Variants in GFRA3 observed in about 807,000 individuals in gnomAD.
GFRA3 encodes the protein GDNF family receptor alpha-3.
GFRA3 carries 24 observed loss-of-function variants against 40.0 expected under a neutral mutation model. The ratio of observed to expected loss-of-function variants is 0.60; its 90% confidence interval spans 0.43 to 0.84. GFRA3 has a LOEUF of 0.84. GFRA3 is among the 40% of genes least tolerant of loss of function. The pLI, the probability that GFRA3 is intolerant of heterozygous loss-of-function variation, is 0.00. For missense variants in GFRA3, 405 were observed against 530.6 expected (o/e 0.76, Z 2.33); for synonymous variants, 203 against 213.5 (o/e 0.95, Z 0.43).
intron 3 of GFRA3, among the ~76,000 whole-genome samples, 168 bp from the exon 4 acceptor site, chr5:138,258,119 C>T (rs1194382260): frequency 1.3e-5 from 2 of 151,086 alleles, no homozygotes; most frequent in Admixed American, 1.3e-4. Context: ...TTCCCCTCTC[C>T]CCACAAACTC....
chr5:138,274,351 G>A lies in GFRA3; in HGVS notation c.74C>T (p.Pro25Leu), dbSNP rs763279172. 16 of 1,339,676 alleles carry A rather than the reference G, an allele frequency of 1.2e-5. No homozygotes were observed. Among genetic ancestry groups the A allele is most frequent in the Non-Finnish European group, 1.5e-5 (16 of 1,040,700 alleles). The allele number at this position is 1,339,676 out of a possible 1,614,324, so 83.0% of individuals were successfully genotyped here. ...LMLLLLLPPS[P>L]LPLAAGDPLP... ...ACACTCACCGGCTGCGAGAGGCAGCGGCGACGGCGGCAGCAGCAGCAGCAA... is the reference window on the plus strand; with the variant it reads ...ACACTCACCGGCTGCGAGAGGCAGCAGCGACGGCGGCAGCAGCAGCAGCAA... Residue 25 changes from proline to leucine, a missense_variant, in exon 1 of 8, where the codon CCG becomes CTG. Coordinates refer to ENST00000274721, the MANE Select transcript of GFRA3 (RefSeq NM_001496.4).
chr5:138,252,953 C>T lies in GFRA3; in HGVS notation c.*15G>A, dbSNP rs1456191725. On this transcript the variant is annotated 3_prime_UTR_variant, in exon 8 of 8. Coordinates refer to ENST00000274721, the MANE Select transcript of GFRA3 (RefSeq NM_001496.4). ...TGGGTGTGGTGGAGGGGAAGAGGGC[C>T]CTGGGGAAGTCCAGCTACCATAGGC... 6.8e-7 allele frequency: 1 copy of T among 1,467,934 alleles called. No individual in the cohort carries two copies. The highest frequency in any genetic ancestry group is 1.7e-5 in the Admixed American group (1 of 59,662). The allele number at this position is 1,467,934 out of a possible 1,614,324, so 90.9% of individuals were successfully genotyped here.
chr5:138,263,814 C>G (rs1461302768), intron 2 of GFRA3, among the ~76,000 whole-genome samples: 1 of 152,152 alleles, frequency 6.6e-6, no homozygotes, highest in Non-Finnish European at 1.5e-5. Context: ...CTCTTTGGCT[C>G]TTTCTGTGCC....
chr5:138,272,028 C>T (rs1394210658), intron 1 of GFRA3, among the ~76,000 whole-genome samples: 2 of 118,126 alleles, frequency 1.7e-5, no homozygotes, highest in Non-Finnish European at 3.4e-5. Flanking sequence ...TTTTTTGAGA[C>T]GGAGTCTCGC....
At position 138,253,075 on chromosome 5, in the gene GFRA3, T is replaced by G; in HGVS notation, c.1114-18A>C. The G allele has an allele frequency of 7.1e-7, 1 of 1,400,450 alleles. No homozygotes were observed. Among genetic ancestry groups the G allele is most frequent in the Non-Finnish European group, 1.0e-6 (1 of 987,250 alleles). 86.8% of individuals were successfully genotyped at this position (1,400,450 alleles called of 1,614,324 possible). The stretch of plus-strand genomic sequence containing the variant: ...TTTTCATTCTGTGGAAGAAATGGAA[T>G]GGAGTTAGCTCAGGGGATTTTCTTT... On this transcript the variant is annotated intron_variant, in intron 7 of 7. Coordinates refer to ENST00000274721, the MANE Select transcript of GFRA3 (RefSeq NM_001496.4).
chr5:138,257,756 T>C lies in GFRA3; in HGVS notation c.668A>G (p.Asn223Ser), dbSNP rs1453543522. The C allele has an allele frequency of 1.9e-6, 3 of 1,609,978 alleles. No homozygotes were observed. Among genetic ancestry groups the C allele is most frequent in the Admixed American group, 1.7e-5 (1 of 59,506 alleles). ...QGLLLCPCAP[N>S]DRGCGERRRN... is the part of the protein sequence containing the mutation. Reference sequence around the variant, plus strand: ...CCGGCGCTCCCCGCAGCCCCGGTCGTTGGGGGCACATGGGCACAGTAGCAG... The same window carrying C: ...CCGGCGCTCCCCGCAGCCCCGGTCGCTGGGGGCACATGGGCACAGTAGCAG... The change falls in exon 4 of 8, where the codon AAC (asparagine) becomes AGC (serine). Residue 223 changes from asparagine to serine, a missense_variant. Asn to Ser is a conservative substitution (Grantham distance 46). Transcript: ENST00000274721.
rs747532548 is a variant in GFRA3, at chr5:138,257,677, C to T, written c.747G>A (p.Leu249=). The part of the protein sequence containing the change: ...CALPPVAPNC[L]ELRRLCFSDP... ...CGGAGAAGCAGAGGCGCCGCAGCTC[C>T]AGGCAGTTGGGGGCCACAGGCGGCA... is the stretch of plus-strand genomic sequence containing the variant. The change falls in exon 4 of 8, where the codon CTG becomes CTA. Residue 249 remains leucine, a synonymous_variant. Transcript: ENST00000274721. 4.0e-5 allele frequency: 64 copies of T among 1,609,936 alleles called. No individual in the cohort carries two copies. The highest frequency in any genetic ancestry group is 5.3e-5 in the Non-Finnish European group (63 of 1,179,176).
Position 138,257,752 on chromosome 5 carries a change from G to A in GFRA3, c.672C>T (p.Asp224=). The A allele has an allele frequency of 6.2e-7, 1 of 1,610,210 alleles. No homozygotes were observed. Among genetic ancestry groups the A allele is most frequent in the Admixed American group, 1.7e-5 (1 of 59,552 alleles). ...TGCGCCGGCGCTCCCCGCAGCCCCG[G>A]TCGTTGGGGGCACATGGGCACAGTA... The part of the protein sequence containing the change: ...GLLLCPCAPN[D]RGCGERRRNT... The change falls in exon 4 of 8, where the codon GAC becomes GAT. Residue 224 remains aspartate, a synonymous_variant. Coordinates refer to ENST00000274721, the MANE Select transcript of GFRA3 (RefSeq NM_001496.4).
At position 138,264,409 on chromosome 5, in the gene GFRA3, T is replaced by C. The variant is rs1180333438; in HGVS notation, c.231A>G (p.Ser77=). 1 of 1,614,012 alleles carries C rather than the reference T, an allele frequency of 6.2e-7. No individual in the cohort carries two copies. Among genetic ancestry groups the C allele is most frequent in the South Asian group, 1.1e-5 (1 of 91,090 alleles). The change falls in exon 2 of 8, where the codon TCA becomes TCG. Residue 77 remains serine, a synonymous_variant. Coordinates refer to ENST00000274721, the MANE Select transcript of GFRA3 (RefSeq NM_001496.4). The stretch of plus-strand genomic sequence containing the variant: ...AGTCAGCAGGGACCGAAGGCTCCTC[T>C]GAGGGCAGTGGGGTGCTTATGCTAG... The part of the protein sequence containing the change: ...CTSSISTPLP[S]EEPSVPADCL...
chr5:138,264,777 G>A (rs1475890480), intron 1 of GFRA3, among the ~76,000 whole-genome samples: 2 of 152,158 alleles, frequency 1.3e-5, no homozygotes, highest in Non-Finnish European at 2.9e-5. Flanking sequence ...CAAGAAATAG[G>A]GGTTTGCAGA....
chr5:138,255,857 A>C (rs192136637), intron 4 of GFRA3, among the ~76,000 whole-genome samples: 2 of 151,424 alleles, frequency 1.3e-5, no homozygotes, highest in Non-Finnish European at 2.9e-5. Context: ...CCGAGATCAC[A>C]ACACTGCCCT....
At chr5:138,256,264 T>C (rs10061456) in intron 4 of GFRA3, among the ~76,000 whole-genome samples, 44,806 of 147,168 alleles carry the variant, frequency 0.3, 7,606 homozygotes, top group South Asian at 0.42. Context: ...CACGGTGGCT[T>C]ATGCCTGTTA....
chr5:138,267,642 C>A, intron 1 of GFRA3: 2 of 208,872 alleles, frequency 9.6e-6, no homozygotes, highest in South Asian at 1.8e-4. Context: ...AGTCTTTACT[C>A]GTCAGAAGGA....
At chr5:138,273,656 A>G (rs1295334632) in intron 1 of GFRA3, among the ~76,000 whole-genome samples, 1 of 152,164 alleles carries the variant, frequency 6.6e-6, no homozygotes, top group African/African-American at 2.4e-5. Context: ...CCGCATAATA[A>G]GATTCCACAC....
chr5:138,272,520 A>G (rs1409519559), intron 1 of GFRA3, among the ~76,000 whole-genome samples: 1 of 150,368 alleles, frequency 6.7e-6, no homozygotes, highest in Non-Finnish European at 1.5e-5. Flanking sequence ...GCACACTACT[A>G]CAGTCCCAGC....
rs56317441 is a variant in GFRA3, at chr5:138,265,206, CTTTTT to C, written c.92-663_92-659del. 5.7e-3 allele frequency among the ~76,000 whole-genome samples: 290 copies of C among 50,620 alleles called. 2 individuals are homozygous for C. Among genetic ancestry groups the C allele is most frequent in the Middle Eastern group, 0.03 (2 of 66 alleles). The allele number at this position is 50,620 out of a possible 152,430, so 33.2% of individuals were successfully genotyped here. ...GTTCAAAGATAAAAATCTAGGAGAA[CTTTTT>C]TTTTTTTTTTTTTTTTTTTTTTGAG... On this transcript the variant is annotated intron_variant, in intron 1 of 7. Coordinates refer to ENST00000274721, the MANE Select transcript of GFRA3 (RefSeq NM_001496.4).
chr5:138,258,679 A>C (rs1404048745), intron 3 of GFRA3, among the ~76,000 whole-genome samples: 1 of 152,154 alleles, frequency 6.6e-6, no homozygotes, highest in Non-Finnish European at 1.5e-5. Flanking sequence ...CACTTTCAGA[A>C]CTGTCCAAAA....
In GFRA3 at chr5:138,264,243, C is replaced by G; in HGVS notation, c.379+18G>C. The G allele has an allele frequency of 6.3e-7, 1 of 1,577,108 alleles. No homozygotes were observed. The highest frequency in any genetic ancestry group is 8.7e-7 in the Non-Finnish European group (1 of 1,155,110). On this transcript the variant is annotated intron_variant, in intron 2 of 7. Transcript: ENST00000274721. Reference sequence around the variant, plus strand: ...GCCATCTTCCCCAGCTTAGTCCACTCTATAATGGGAGCCTCACCAAGGCTG... The same window carrying G: ...GCCATCTTCCCCAGCTTAGTCCACTGTATAATGGGAGCCTCACCAAGGCTG...
intron 4 of GFRA3, among the ~76,000 whole-genome samples, chr5:138,255,636 T>C (rs1288692185): frequency 2.6e-5 from 4 of 152,132 alleles, no homozygotes; most frequent in Non-Finnish European, 4.4e-5. Context: ...TGGTGGTTCA[T>C]GCCTATAATC....
Sources: gnomAD v4.1 joint callset for allele counts (sites outside exome capture counted in the v4.1 genomes callset) on GRCh38, gnomAD v4.1.1 for gene constraint, MANE v1.5 for transcripts, NCBI Gene and HGNC (gene_info 2026-07-23, HGNC 2026-07-21) for gene names.